Variants in USP34 observed in about 807,000 individuals in gnomAD.
USP34 encodes the protein ubiquitin specific peptidase 34.
In USP34, 70 loss-of-function variants were observed where a neutral mutation model predicts 460.3. The observed-to-expected ratio is 0.15, with a 90% CI of 0.13 to 0.19. The LOEUF (loss-of-function observed/expected upper bound fraction) is 0.19. Among genes scored for constraint, USP34 ranks in the 10% least tolerant of loss-of-function variants. The probability of loss-of-function intolerance (pLI) is 1.00; values close to 1 mark genes in which losing one functional copy is unlikely to be tolerated. For missense variants in USP34, 3,985 were observed against 4,236.2 expected (o/e 0.94, Z 1.65); for synonymous variants, 1,647 against 1,405.3 (o/e 1.17, Z -3.85).
intron 2 of USP34, among the ~76,000 whole-genome samples, chr2:61,416,383 C>G (rs1012893973): frequency 6.6e-6 from 1 of 152,094 alleles, no homozygotes; most frequent in South Asian, 2.1e-4. Flanking sequence ...AGCCTGGAAA[C>G]CTGACAGAGA....
At chr2:61,301,596 T>C (rs899417381) in intron 27 of USP34, 142 bp from the exon 28 acceptor site, 6 of 711,724 alleles carry the variant, frequency 8.4e-6, no homozygotes, top group South Asian at 8.1e-5. Context: ...ACTCAGTAGA[T>C]TGAGGATAGT....
chr2:61,361,453 T>TA (rs1446226821), intron 10 of USP34, among the ~76,000 whole-genome samples: 1 of 152,018 alleles, frequency 6.6e-6, no homozygotes, highest in Non-Finnish European at 1.5e-5. Flanking sequence ...GGCACTGGCA[T>TA]AAAAACAGAC....
At chr2:61,232,416 T>C in intron 58 of USP34, 36 bp downstream of exon 58, 2 of 1,502,074 alleles carry the variant, frequency 1.3e-6, no homozygotes, top group South Asian at 1.2e-5. Context: ...GTAACTTCTT[T>C]TCCAAATAAT....
In USP34 at chr2:61,295,032, C is replaced by G. The variant is rs1689982730; in HGVS notation, c.4378G>C (p.Gly1460Arg). ...TCTGGATAAAGATCACTGTAACTTC[C>G]CTATGAGAAAGGCAAAAAAAGTAAG... is the stretch of plus-strand genomic sequence containing the variant. ...PNRRIRREST[G>R]SYSDLYPDSD... The change falls in exon 32 of 80, where the codon GGA becomes CGA. Residue 1460 changes from glycine to arginine, a missense_variant and splice_region_variant. Around this residue, in one of 14 missense-constraint regions of USP34, gnomAD observed 1,114 missense variants for 1,122.5 expected, o/e 0.99. Coordinates refer to ENST00000398571, the MANE Select transcript of USP34 (RefSeq NM_014709.4). 6.2e-7 allele frequency: 1 copy of G among 1,609,854 alleles called. No individual in the cohort carries two copies.
intron 1 of USP34, among the ~76,000 whole-genome samples, chr2:61,421,242 G>A (rs1399725968): frequency 6.6e-6 from 1 of 152,196 alleles, no homozygotes; most frequent in Non-Finnish European, 1.5e-5. Context: ...ATATCTGAAA[G>A]CAGCAGCACT....
chr2:61,327,706 C>T (rs761017351), intron 20 of USP34, among the ~76,000 whole-genome samples: 1 of 152,152 alleles, frequency 6.6e-6, no homozygotes, highest in Non-Finnish European at 1.5e-5. Flanking sequence ...CACAGTATAG[C>T]CCCGATGCTG....
At chr2:61,258,604 C>A (rs115316208) in intron 44 of USP34, among the ~76,000 whole-genome samples, 1,559 of 152,088 alleles carry the variant, frequency 0.01, 30 homozygotes, top group African/African-American at 0.036. Flanking sequence ...GGGTGATGGG[C>A]TCCAAATGGA....
chr2:61,366,544 G>C (rs761523042), intron 10 of USP34, among the ~76,000 whole-genome samples: 1 of 152,170 alleles, frequency 6.6e-6, no homozygotes, highest in African/African-American at 2.4e-5. Context: ...TGTAAATACA[G>C]ATACTGGTAC....
Position 61,309,011 on chromosome 2 carries a change from G to C in USP34, c.3817+2529C>G, listed in dbSNP as rs180762084. ...GATCCTGCCACTGCACTCCAGCCTGGGTGACAGAGGGAGACTATCTCAAAA... is the reference window on the plus strand; with the variant it reads ...GATCCTGCCACTGCACTCCAGCCTGCGTGACAGAGGGAGACTATCTCAAAA... On this transcript the variant is annotated intron_variant, in intron 27 of 79. Coordinates refer to ENST00000398571, the MANE Select transcript of USP34 (RefSeq NM_014709.4). 3.9e-3 allele frequency among the ~76,000 whole-genome samples: 588 copies of C among 152,100 alleles called. 2 individuals are homozygous for C. The highest frequency in any genetic ancestry group is 6.7e-3 in the Non-Finnish European group (458 of 67,988).
At chr2:61,246,764 G>C (rs1688427741) in intron 49 of USP34, among the ~76,000 whole-genome samples, 1 of 151,838 alleles carries the variant, frequency 6.6e-6, no homozygotes, top group South Asian at 2.1e-4. Flanking sequence ...CAAACCACTA[G>C]AAAAACAACC....
chr2:61,417,780 T>G (rs1448936823), intron 2 of USP34, among the ~76,000 whole-genome samples: 1 of 135,028 alleles, frequency 7.4e-6, no homozygotes, highest in East Asian at 2.2e-4. Context: ...TCTTGCTCTA[T>G]CCCCAGGCTG....
chr2:61,287,023 T>C (rs1233952783), intron 34 of USP34, among the ~76,000 whole-genome samples: 8 of 152,312 alleles, frequency 5.3e-5, no homozygotes, highest in Non-Finnish European at 1.0e-4. Flanking sequence ...ATTATAGTAA[T>C]GTAAGGTTAC....
At chr2:61,359,856 C>T (rs1453264889) in intron 10 of USP34, among the ~76,000 whole-genome samples, 1 of 142,504 alleles carries the variant, frequency 7.0e-6, no homozygotes, top group Non-Finnish European at 1.5e-5. Flanking sequence ...GTGATCTCGG[C>T]TCACTGCAAC....
chr2:61,236,205 T>C lies in USP34; in HGVS notation c.6874A>G (p.Ser2292Gly). Residue 2292 changes from serine (S) to glycine (G), a missense_variant, in exon 55 of 80, where the codon AGT becomes GGT. Physicochemically the swap from Ser to Gly is moderately conservative, Grantham distance 56 (BLOSUM62 0). Coordinates refer to ENST00000398571, the MANE Select transcript of USP34 (RefSeq NM_014709.4). ...ACAGCTTTAGGATCTGGTAATGTAC[T>C]GGGAATACAACTACACAATTGCCAC... Reference protein sequence around the residue: ...FMWQLCSCIPSTLPDPKAVSL... With the variant: ...FMWQLCSCIPGTLPDPKAVSL... The C allele has an allele frequency of 6.2e-7, 1 of 1,612,304 alleles. No homozygotes were observed. The highest frequency in any genetic ancestry group is 1.7e-4 in the Middle Eastern group (1 of 6,056).
chr2:61,454,718 T>C (rs1451517857), intron 1 of USP34, among the ~76,000 whole-genome samples: 1 of 151,054 alleles, frequency 6.6e-6, no homozygotes, highest in East Asian at 2.0e-4. Flanking sequence ...CCCAGCTTAT[T>C]TTTTTATTTT....
In USP34 at chr2:61,311,671, T is replaced by C. The variant is rs953643335; in HGVS notation, c.3686A>G (p.Tyr1229Cys). The C allele has an allele frequency of 1.2e-6, 2 of 1,612,174 alleles. No homozygotes were observed. Among genetic ancestry groups the C allele is most frequent in the East Asian group, 2.2e-5 (1 of 44,858 alleles). The stretch of plus-strand genomic sequence containing the variant: ...AAGATCTGCTACCTGGTCACTAGGA[T>C]ACATTTCAATAGTCATCTGAAATAT... Reference protein sequence around the residue: ...GLPDKMTIEMYPSDQVADLRA... With the variant: ...GLPDKMTIEMCPSDQVADLRA... The change falls in exon 27 of 80, where the codon TAT (tyrosine) becomes TGT (cysteine). Residue 1229 changes from tyrosine to cysteine, a missense_variant. Physicochemically the swap from Tyr to Cys is radical, Grantham distance 194. Transcript: ENST00000398571.
At chr2:61,189,267 TTTTTG>T (rs1352297873) in intron 78 of USP34, 198 bp from the exon 79 acceptor site, 38 of 555,724 alleles carry the variant, frequency 6.8e-5, no homozygotes, top group Non-Finnish European at 8.7e-6. Context: ...TTGTTTTTTT[TTTTTG>T]TTTTGTTTTT....
At chr2:61,398,955 A>G (rs1236091827) in intron 3 of USP34, among the ~76,000 whole-genome samples, 1 of 152,180 alleles carries the variant, frequency 6.6e-6, no homozygotes, top group Non-Finnish European at 1.5e-5. Flanking sequence ...AAAAGTCCAG[A>G]ATTTAAGACC....
chr2:61,400,845 C>A (rs961613493), intron 3 of USP34, among the ~76,000 whole-genome samples: 1 of 151,996 alleles, frequency 6.6e-6, no homozygotes, highest in African/African-American at 2.4e-5. Flanking sequence ...CAGAGGAAGA[C>A]CCTGATTCAA....
Sources: allele counts gnomAD v4.1 joint callset (sites outside exome capture counted in the v4.1 genomes callset), GRCh38; gene constraint gnomAD v4.1.1; regional missense constraint gnomAD v4.1.1; transcripts MANE v1.5; gene names NCBI Gene and HGNC (gene_info 2026-07-23, HGNC 2026-07-21).